Variants in TXNRD2 observed in about 807,000 individuals in gnomAD.
TXNRD2 encodes thioredoxin reductase 2.
TXNRD2 carries 67 observed loss-of-function variants against 70.8 expected under a neutral mutation model. That is an observed-to-expected ratio of 0.95 (90% CI 0.78 to 1.16). TXNRD2 has a LOEUF of 1.16. Among genes scored for constraint, TXNRD2 ranks in the 50% most tolerant of loss-of-function variants. TXNRD2 has a pLI of 0.00. For missense variants in TXNRD2, 644 were observed against 719.9 expected (o/e 0.89, Z 1.21); for synonymous variants, 301 against 295.8 (o/e 1.02, Z -0.18).
intron 8 of TXNRD2, among the ~76,000 whole-genome samples, chr22:19,900,468 T>C (rs1939722281): frequency 6.6e-6 from 1 of 152,234 alleles, no homozygotes; most frequent in African/African-American, 2.4e-5. Context: ...TATGAAGTTA[T>C]GGCCAGGTGC....
intron 1 of TXNRD2, among the ~76,000 whole-genome samples, chr22:19,932,714 C>A (rs1292889854): frequency 6.6e-6 from 1 of 152,156 alleles, no homozygotes; most frequent in Non-Finnish European, 1.5e-5. Flanking sequence ...ACGAGCCTGC[C>A]CAGATGAGAA....
intron 8 of TXNRD2, among the ~76,000 whole-genome samples, chr22:19,906,805 T>C (rs1318203303): frequency 6.6e-6 from 1 of 150,484 alleles, no homozygotes; most frequent in Admixed American, 6.6e-5. Flanking sequence ...CTCAGCACAG[T>C]CTCAGGAGAG....
At chr22:19,892,990 C>T (rs577165471) in intron 11 of TXNRD2, among the ~76,000 whole-genome samples, 5 of 152,334 alleles carry the variant, frequency 3.3e-5, no homozygotes, top group Middle Eastern at 3.4e-3. Flanking sequence ...GCCCTGCGTG[C>T]GCTCAGGCAT....
intron 8 of TXNRD2, among the ~76,000 whole-genome samples, chr22:19,906,151 C>T (rs183394528): frequency 3.9e-5 from 6 of 152,070 alleles, no homozygotes; most frequent in Non-Finnish European, 7.4e-5. Flanking sequence ...AAGAGAAAAG[C>T]CAGACGTGAA....
intron 11 of TXNRD2, 166 bp downstream of exon 11, chr22:19,895,240 GC>G: frequency 6.3e-7 from 1 of 1,592,114 alleles, no homozygotes; most frequent in Non-Finnish European, 8.5e-7. Flanking sequence ...TGTGAGTGCC[GC>G]CCCACAGGCC....
chr22:19,909,919 TCACACACACACACCACTCACACAC>T (rs1336713396), intron 8 of TXNRD2, among the ~76,000 whole-genome samples: 13 of 60,092 alleles, frequency 2.2e-4, no homozygotes, highest in Admixed American at 1.6e-3. Context: ...CCCACACCCT[TCACACACACACACCACTCACACAC>T]CACACACACA....
At chr22:19,915,664 G>T in intron 6 of TXNRD2, 101 bp downstream of exon 6, 1 of 1,051,154 alleles carries the variant, frequency 9.5e-7, no homozygotes, top group Non-Finnish European at 1.5e-6. Flanking sequence ...CCAGCAGCAC[G>T]TGTTACTAAG....
chr22:19,898,410 T>C (rs866454115), intron 9 of TXNRD2, among the ~76,000 whole-genome samples: 2 of 152,016 alleles, frequency 1.3e-5, no homozygotes, highest in African/African-American at 2.4e-5. Context: ...TGGATTCCAG[T>C]TGGGATGGAG....
intron 2 of TXNRD2, among the ~76,000 whole-genome samples, chr22:19,923,146 A>C (rs1940980939): frequency 6.6e-6 from 1 of 152,136 alleles, no homozygotes; most frequent in Admixed American, 6.6e-5. Context: ...CCCAATATAA[A>C]ATTTCTCCTC....
intron 8 of TXNRD2, 140 bp downstream of exon 8, chr22:19,911,237 C>T (rs1272399278): frequency 1.3e-6 from 1 of 749,828 alleles, no homozygotes; most frequent in African/African-American, 1.7e-5. Flanking sequence ...CACCTGGCCA[C>T]AAATAACAGG....
intron 8 of TXNRD2, among the ~76,000 whole-genome samples, chr22:19,909,997 C>CCACT: frequency 7.9e-6 from 1 of 125,968 alleles, no homozygotes; most frequent in Non-Finnish European, 1.7e-5. Flanking sequence ...CACACACACA[C>CCACT]CACACACATC....
At chr22:19,885,161 T>G (rs1189697050) in intron 11 of TXNRD2, among the ~76,000 whole-genome samples, 1 of 152,146 alleles carries the variant, frequency 6.6e-6, no homozygotes, top group African/African-American at 2.4e-5. Flanking sequence ...CTAACTCAGA[T>G]GGGTGTGATT....
chr22:19,932,382 C>CTT (rs774905898), intron 1 of TXNRD2: 2 of 1,612,660 alleles, frequency 1.2e-6, no homozygotes, highest in East Asian at 4.5e-5. Flanking sequence ...TGGCTCACTG[C>CTT]ACATAGTGCC....
intron 11 of TXNRD2, chr22:19,887,616 G>A (rs1213200943): frequency 6.6e-6 from 1 of 152,276 alleles, no homozygotes; most frequent in African/African-American, 2.4e-5. Flanking sequence ...CTGGAGGAGA[G>A]GCTGAGACTG....
intron 1 of TXNRD2, among the ~76,000 whole-genome samples, chr22:19,935,063 G>A (rs897938012): frequency 2.6e-5 from 4 of 152,144 alleles, no homozygotes; most frequent in Admixed American, 6.5e-5. Context: ...TTTAGGGAAC[G>A]AAGACAACCA....
chr22:19,934,844 G>A (rs1601487933), intron 1 of TXNRD2, among the ~76,000 whole-genome samples: 1 of 152,096 alleles, frequency 6.6e-6, no homozygotes, highest in Non-Finnish European at 1.5e-5. Flanking sequence ...TTACAGGCAT[G>A]AGCCACCGCG....
At chr22:19,912,882 A>G (rs1940475737) in intron 7 of TXNRD2, among the ~76,000 whole-genome samples, 3 of 152,170 alleles carry the variant, frequency 2.0e-5, no homozygotes, top group Non-Finnish European at 4.4e-5. Context: ...GGTCACATCC[A>G]AGAAGTGGCA....
intron 17 of TXNRD2, 193 bp downstream of exon 17, chr22:19,876,847 C>G (rs1014693788): frequency 2.5e-6 from 1 of 392,544 alleles, no homozygotes; most frequent in Non-Finnish European, 4.6e-6. Context: ...TGGGGTCCCC[C>G]GGGGAGGTTT....
chr22:19,932,452 G>A (rs955647426), intron 1 of TXNRD2: 55 of 1,607,186 alleles, frequency 3.4e-5, no homozygotes, highest in African/African-American at 9.4e-5. Flanking sequence ...AGCTACTGGC[G>A]AGGAAGGCAG....
Sources: allele counts gnomAD v4.1 joint callset (sites outside exome capture counted in the v4.1 genomes callset), GRCh38; gene constraint gnomAD v4.1.1; transcripts MANE v1.5; gene names NCBI Gene and HGNC (gene_info 2026-07-23, HGNC 2026-07-21).